The following TTC13 variants were observed in gnomAD, a reference collection of about 807,000 sequenced individuals.
TTC13 encodes tetratricopeptide repeat domain 13, also known as tetratricopeptide repeat protein 13.
Under a neutral mutation model 120.0 loss-of-function variants are expected in TTC13, and 62 were observed. That is an observed-to-expected ratio of 0.52 (90% CI 0.42 to 0.64). The LOEUF is 0.64. TTC13 is among the 30% of genes least tolerant of loss of function. The pLI is 0.00. For missense variants in TTC13, 824 were observed against 1,050.2 expected, an observed-to-expected ratio of 0.78 and a Z score of 2.98; for synonymous variants, 384 against 393.5, an observed-to-expected ratio of 0.98 and a Z score of 0.28.
chr1:230,934,460 C>T (rs1673855224), intron 8 of TTC13, among the ~76,000 whole-genome samples: 1 of 152,192 alleles, frequency 6.6e-6, no homozygotes, highest in Non-Finnish European at 1.5e-5. Context: ...CGGCCTAACA[C>T]CAAGTCTGTG....
intron 18 of TTC13, among the ~76,000 whole-genome samples, chr1:230,915,334 C>A (rs1232199872): frequency 7.0e-6 from 1 of 141,856 alleles, no homozygotes; most frequent in Non-Finnish European, 1.5e-5. Flanking sequence ...AGGCTATGCA[C>A]CTGAATATGG....
chr1:230,962,910 T>C (rs190685728), intron 1 of TTC13, among the ~76,000 whole-genome samples: 34 of 152,258 alleles, frequency 2.2e-4, no homozygotes, highest in Non-Finnish European at 4.4e-4. Flanking sequence ...AAAATGCAGA[T>C]TGGTGATTGC....
chr1:230,976,667 GA>G lies in TTC13; in HGVS notation c.271+1892del, dbSNP rs1473282862. Among the ~76,000 whole-genome samples the G allele has an allele frequency of 1.4e-3, 206 of 151,982 alleles. 3 individuals are homozygous for G. The highest frequency in any genetic ancestry group is 7.7e-4 in the East Asian group (4 of 5,178). ...ACAGTAAATTTTAAATTCCAAGCTA[GA>G]AAAAATAAGTACTACATGGGAGAGA... On this transcript the variant is annotated intron_variant, in intron 1 of 22. Transcript: ENST00000366661.
At chr1:230,968,184 T>TG (rs10587077) in intron 1 of TTC13, among the ~76,000 whole-genome samples, 25,769 of 129,062 alleles carry the variant, frequency 0.2, 3,061 homozygotes, top group Admixed American at 0.29. Flanking sequence ...CCTATGGTGG[T>TG]GGGGGGGGGG....
chr1:230,917,822 G>A (rs1672182807), intron 17 of TTC13, among the ~76,000 whole-genome samples: 1 of 152,198 alleles, frequency 6.6e-6, no homozygotes, highest in Non-Finnish European at 1.5e-5. Flanking sequence ...GTTGTATTCT[G>A]CCTAATACCA....
At chr1:230,931,036 A>G (rs11122623) in intron 11 of TTC13, among the ~76,000 whole-genome samples, 83,285 of 152,008 alleles carry the variant, frequency 0.55, 22,871 homozygotes, top group Admixed American at 0.61. Flanking sequence ...TTTAGTTCAA[A>G]ATATGGCTTT....
chr1:230,956,613 G>C, intron 3 of TTC13: 1 of 361,530 alleles, frequency 2.8e-6, no homozygotes, highest in South Asian at 2.1e-5. Context: ...ATGATTTTTA[G>C]AGATAAATTT....
intron 5 of TTC13, 73 bp from the exon 6 acceptor site, chr1:230,943,971 C>A: frequency 2.0e-6 from 2 of 998,396 alleles, no homozygotes; most frequent in Non-Finnish European, 1.5e-6. Context: ...TCTGAGAAAA[C>A]TAATAATTTA....
At chr1:230,926,654 T>C (rs1673078043) in intron 12 of TTC13, among the ~76,000 whole-genome samples, 1 of 152,238 alleles carries the variant, frequency 6.6e-6, no homozygotes, top group Admixed American at 6.5e-5. Context: ...GTCATAGACC[T>C]GCTACTATGT....
intron 19 of TTC13, among the ~76,000 whole-genome samples, chr1:230,912,335 G>C (rs546906910): frequency 6.6e-6 from 1 of 152,146 alleles, no homozygotes; most frequent in Admixed American, 6.6e-5. Context: ...GAAGAAAAAG[G>C]TGAAGCCCAG....
chr1:230,955,471 G>A (rs776599358), intron 3 of TTC13, among the ~76,000 whole-genome samples: 13 of 151,246 alleles, frequency 8.6e-5, no homozygotes, highest in Non-Finnish European at 1.6e-4. Flanking sequence ...AGACCATCCT[G>A]GCTAACACGG....
At chr1:230,929,318 C>T (rs1197524040) in intron 11 of TTC13, among the ~76,000 whole-genome samples, 1 of 62,768 alleles carries the variant, frequency 1.6e-5, no homozygotes, top group Non-Finnish European at 3.2e-5. Flanking sequence ...TCTACTTTGG[C>T]TACATTTTTT....
chr1:230,958,351 A>G (rs1676301768), intron 2 of TTC13, 52 bp from the exon 3 acceptor site: 1 of 1,554,366 alleles, frequency 6.4e-7, no homozygotes, highest in Non-Finnish European at 8.6e-7. Flanking sequence ...CAAATGAAAG[A>G]AAACTTGTAT....
At chr1:230,952,623 G>C (rs1202218204) in intron 4 of TTC13, among the ~76,000 whole-genome samples, 1 of 152,078 alleles carries the variant, frequency 6.6e-6, no homozygotes, top group Non-Finnish European at 1.5e-5. Context: ...AAAGAAAAAT[G>C]CTAATATACT....
chr1:230,908,917 T>C lies in TTC13; in HGVS notation c.2388+25A>G, dbSNP rs374387789. On this transcript the variant is annotated intron_variant, in intron 21 of 22. Transcript: ENST00000366661. ...TTGGGACTTAATACATAACCAAGCA[T>C]TTCTCCCTTCCCGCTCCAACATACC... 3.1e-6 allele frequency: 5 copies of C among 1,613,572 alleles called. No individual in the cohort carries two copies. In the African/African-American group the frequency reaches 6.7e-5, roughly 22 times the overall value.
At chr1:230,913,169 G>A (rs1415176802) in intron 18 of TTC13, among the ~76,000 whole-genome samples, 2 of 152,142 alleles carry the variant, frequency 1.3e-5, no homozygotes, top group Non-Finnish European at 2.9e-5. Flanking sequence ...ACTACACCAT[G>A]GTTCTGTTTT....
At chr1:230,952,092 G>T (rs113930174) in intron 4 of TTC13, among the ~76,000 whole-genome samples, 10 of 152,222 alleles carry the variant, frequency 6.6e-5, no homozygotes, top group South Asian at 2.1e-4. Context: ...ATTTAACATC[G>T]AATCTTCGTA....
intron 22 of TTC13, among the ~76,000 whole-genome samples, chr1:230,907,275 T>G (rs929959379): frequency 6.6e-6 from 1 of 152,234 alleles, no homozygotes; most frequent in Admixed American, 6.5e-5. Context: ...CTGATTTACA[T>G]GTCCAGCTGT....
chr1:230,911,270 T>A (rs1410938300), intron 20 of TTC13, 200 bp downstream of exon 20: 1 of 405,940 alleles, frequency 2.5e-6, no homozygotes, highest in Non-Finnish European at 4.4e-6. Flanking sequence ...GTAAGCACAC[T>A]ATATTAGAAC....
Sources: allele counts gnomAD v4.1 joint callset (sites outside exome capture counted in the v4.1 genomes callset), GRCh38; gene constraint gnomAD v4.1.1; transcripts MANE v1.5; gene names NCBI Gene and HGNC (gene_info 2026-07-23, HGNC 2026-07-21).